The following NOP14 variants were observed in gnomAD, a reference collection of about 807,000 sequenced individuals.
NOP14 encodes nucleolar protein 14.
NOP14 carries 57 observed loss-of-function variants against 101.6 expected under a neutral mutation model. That is an observed-to-expected ratio of 0.56 (90% confidence interval 0.45 to 0.70). The LOEUF (loss-of-function observed/expected upper bound fraction) is 0.70, where lower values mean the gene tolerates loss of function less well. NOP14 is among the 30% of genes least tolerant of loss of function. The pLI is 0.00. For missense variants in NOP14, 1,134 were observed against 1,075.5 expected, an observed-to-expected ratio of 1.05 and a Z score of -0.76; for synonymous variants, 428 against 424.0, an observed-to-expected ratio of 1.01 and a Z score of -0.12.
Position 2,957,706 on chromosome 4 carries a change from CT to C in NOP14, c.229del (p.Arg77GlyfsTer19). The C allele has an allele frequency of 6.2e-7, 1 of 1,614,100 alleles. No individual in the cohort carries two copies. Among genetic ancestry groups the C allele is most frequent in the Non-Finnish European group, 8.5e-7 (1 of 1,180,022 alleles). On this transcript the variant is annotated frameshift_variant, in exon 2 of 18. Transcript: ENST00000416614. LOFTEE classifies it high-confidence loss of function. Reference protein sequence around the residue: ...TQTLLKEYKERDKSNVFRDKR... With the variant: ...TQTLLKEYKEXDKSNVFRDKR... Reference sequence around the variant, plus strand: ...ATCTCTGAATACATTGGATTTATCCCTTTCTTTGTACTCTTTTAGTAAAGTC... The same window carrying C: ...ATCTCTGAATACATTGGATTTATCCCTTCTTTGTACTCTTTTAGTAAAGTC...
chr4:2,953,404 C>G, intron 5 of NOP14, 107 bp downstream of exon 5: 1 of 1,255,066 alleles, frequency 8.0e-7, no homozygotes, highest in East Asian at 2.3e-5. Flanking sequence ...GAAACTTGCC[C>G]TAAAGGAGAC....
chr4:2,939,108 G>A (rs1194111965), intron 17 of NOP14, 80 bp downstream of exon 17: 17 of 1,578,952 alleles, frequency 1.1e-5, no homozygotes, highest in Non-Finnish European at 1.5e-5. Flanking sequence ...GATGCCAGGT[G>A]CCCGGTGCTC....
At chr4:2,942,532 A>G (rs1201847894) in intron 13 of NOP14, among the ~76,000 whole-genome samples, 181 bp from the exon 14 acceptor site, 2 of 152,082 alleles carry the variant, frequency 1.3e-5, no homozygotes, top group African/African-American at 2.4e-5. Flanking sequence ...GGGAGGGGAA[A>G]AGCTTTGGCA....
rs1204745893 is a variant in NOP14 at position 2,953,499 on chromosome 4, C to T, written c.747+12G>A. 4.3e-6 allele frequency: 7 copies of T among 1,613,780 alleles called. No individual in the cohort carries two copies. Among genetic ancestry groups the T allele is most frequent in the South Asian group, 2.2e-5 (2 of 91,050 alleles). ...AGTGAGTGAAGAGTTTGTTTCAGTACTTGGCTCCCACCTTGGGTTTTTCCT... is the reference window on the plus strand; with the variant it reads ...AGTGAGTGAAGAGTTTGTTTCAGTATTTGGCTCCCACCTTGGGTTTTTCCT... On this transcript the variant is annotated intron_variant, in intron 5 of 17. Coordinates refer to ENST00000416614, the MANE Select transcript of NOP14 (RefSeq NM_001291978.2).
rs753317643 is a variant in NOP14, at chr4:2,941,623, T to G, written c.2158A>C (p.Thr720Pro). The G allele has an allele frequency of 1.9e-6, 3 of 1,613,074 alleles. No individual in the cohort carries two copies. The highest frequency in any genetic ancestry group is 2.5e-6 in the Non-Finnish European group (3 of 1,179,878). The change falls in exon 15 of 18, where the codon ACG (threonine) becomes CCG (proline). Residue 720 changes from threonine to proline, a missense_variant. Physicochemically the swap from Thr to Pro is conservative, Grantham distance 38. Coordinates refer to ENST00000416614, the MANE Select transcript of NOP14 (RefSeq NM_001291978.2). ...TGGCTGCAGTCCGCCAGGTGATCCG[T>G]GAGGAGGGCTTGGAGAGGCCCCATG... ...AIMGPLQALL[T>P]DHLADCSHPQ...
intron 13 of NOP14, among the ~76,000 whole-genome samples, chr4:2,942,952 C>T (rs907068842): frequency 5.9e-5 from 9 of 152,192 alleles, no homozygotes; most frequent in Non-Finnish European, 1.2e-4. Context: ...CCGGGCCAAG[C>T]GAGAGGGGAA....
chr4:2,957,585 T>A, intron 2 of NOP14, 21 bp downstream of exon 2: 5 of 1,613,122 alleles, frequency 3.1e-6, no homozygotes, highest in Non-Finnish European at 4.2e-6. Flanking sequence ...GCAAAAACCC[T>A]CCTCCAGTTT....
In NOP14 at chr4:2,946,523, C is replaced by T. The variant is rs567693172; in HGVS notation, c.1524G>A (p.Met508Ile). Residue 508 changes from methionine (M) to isoleucine (I), a missense_variant, in exon 11 of 18, where the codon ATG becomes ATA. By Grantham distance (10) the Met-to-Ile change is conservative. Coordinates refer to ENST00000416614, the MANE Select transcript of NOP14 (RefSeq NM_001291978.2). ...TAGCGTCACTTGCAGATTCAGGAAA[C>T]ATCTGGCAAAGATGATATAAGTGCC... ...LVVHLYHLCQ[M>I]FPESASDAIK... 1.3e-5 allele frequency: 21 copies of T among 1,614,172 alleles called. No individual in the cohort carries two copies. In the South Asian group the frequency reaches 2.1e-4, roughly 16 times the overall value.
rs895754367 is a variant in NOP14, at chr4:2,954,351, A to G, written c.612+73T>C. On this transcript the variant is annotated intron_variant, in intron 4 of 17. Transcript: ENST00000416614. Reference sequence around the variant, plus strand: ...AACACAGCCTAAAAAGGTACAGGAAAAAAAAGCTCAAACACATTTTGGTGA... The same window carrying G: ...AACACAGCCTAAAAAGGTACAGGAAGAAAAAGCTCAAACACATTTTGGTGA... 64 of 1,546,518 alleles carry G rather than the reference A, an allele frequency of 4.1e-5. No individual in the cohort carries two copies. The Middle Eastern group carries it at 6.9e-4, about 17-fold the overall frequency.
At chr4:2,952,856 T>C (rs892905372) in intron 5 of NOP14, among the ~76,000 whole-genome samples, 1 of 152,202 alleles carries the variant, frequency 6.6e-6, no homozygotes, top group African/African-American at 2.4e-5. Flanking sequence ...GGCAAGAGAA[T>C]CACTTGAACC....
Position 2,963,343 on chromosome 4 carries a change from G to A in NOP14, c.-24C>T, listed in dbSNP as rs767583685. 17 of 1,544,842 alleles carry A rather than the reference G, an allele frequency of 1.1e-5. No individual in the cohort carries two copies. The Admixed American group carries it at 3.5e-4, about 32-fold the overall frequency. ...ATGGCGCGCGCCCCGCTGCGCCCAA[G>A]GGCCCGAGACCCGAAGAGAGACAGG... On this transcript the variant is annotated 5_prime_UTR_variant, in exon 1 of 18. Coordinates refer to ENST00000416614, the MANE Select transcript of NOP14 (RefSeq NM_001291978.2).
Position 2,938,702 on chromosome 4 carries a change from C to T in NOP14, c.*129G>A, listed in dbSNP as rs10000927. The T allele has an allele frequency of 3.5e-3, 2,430 of 693,252 alleles. 48 individuals are homozygous for T. In the African/African-American group the frequency reaches 0.038, roughly 11 times the overall value. The allele number at this position is 693,252 out of a possible 1,614,324, so 42.9% of individuals were successfully genotyped here. A position where few individuals can be genotyped will look rare whatever the true frequency, so the allele number is the denominator to read the frequency against. On this transcript the variant is annotated 3_prime_UTR_variant, in exon 18 of 18. Coordinates refer to ENST00000416614, the MANE Select transcript of NOP14 (RefSeq NM_001291978.2). ...TATGTTTTTTTGGTAGAGACGGGGT[C>T]TTCCTGTGTTGCCCAGGCTGGTCTC...
chr4:2,957,839 C>A, intron 1 of NOP14, 99 bp from the exon 2 acceptor site: 1 of 1,221,266 alleles, frequency 8.2e-7, no homozygotes, highest in Non-Finnish European at 1.1e-6. Flanking sequence ...GGGCTATGCA[C>A]AGTGATGTCA....
At position 2,938,945 on chromosome 4, in the gene NOP14, A is replaced by C. The variant is rs752133917; in HGVS notation, c.2475-15T>G. On this transcript the variant is annotated splice_polypyrimidine_tract_variant and intron_variant, in intron 17 of 17. Transcript: ENST00000416614. Reference sequence around the variant, plus strand: ...TTTCCGCATCCCTAAAAGAAACAAAAGGCAAATGCCCATTTTTGGATTAGT... The same window carrying C: ...TTTCCGCATCCCTAAAAGAAACAAACGGCAAATGCCCATTTTTGGATTAGT... 11 of 1,608,886 alleles carry C rather than the reference A, an allele frequency of 6.8e-6. No individual in the cohort carries two copies. The South Asian group carries it at 1.2e-4, about 18-fold the overall frequency.
intron 10 of NOP14, 127 bp downstream of exon 10, chr4:2,947,399 A>G: frequency 4.2e-6 from 3 of 711,336 alleles, no homozygotes; most frequent in South Asian, 3.6e-5. Context: ...CCACCTGCCC[A>G]CTTGGCATGC....
At chr4:2,943,427 C>T (rs1714372536) in intron 13 of NOP14, among the ~76,000 whole-genome samples, 1 of 152,240 alleles carries the variant, frequency 6.6e-6, no homozygotes, top group Admixed American at 6.5e-5. Flanking sequence ...TGCAGCTCCT[C>T]ACCCCCCAGA....
At chr4:2,962,291 G>A (rs193262323) in intron 1 of NOP14, among the ~76,000 whole-genome samples, 3 of 152,306 alleles carry the variant, frequency 2.0e-5, no homozygotes, top group African/African-American at 7.2e-5. Context: ...CCCCGGCCCG[G>A]GGGTGTGTAA....
chr4:2,939,170 C>A lies in NOP14; in HGVS notation c.2474+18G>T, dbSNP rs1356458934. The A allele has an allele frequency of 6.2e-7, 1 of 1,613,652 alleles. No homozygotes were observed. The highest frequency in any genetic ancestry group is 8.5e-7 in the Non-Finnish European group (1 of 1,179,854). On this transcript the variant is annotated intron_variant, in intron 17 of 17. Transcript: ENST00000416614. ...TGAGTGACACCACAATCGTGTCGCA[C>A]ACACACGTCCCCCTCACCGTTCCAT... is the stretch of plus-strand genomic sequence containing the variant.
chr4:2,959,385 G>A (rs556606795), intron 1 of NOP14, among the ~76,000 whole-genome samples: 20 of 152,196 alleles, frequency 1.3e-4, no homozygotes, highest in African/African-American at 3.6e-4. Context: ...GAGGTTAGAA[G>A]ATCAAGACCA....
Sources: allele counts gnomAD v4.1 joint callset (sites outside exome capture counted in the v4.1 genomes callset), GRCh38; gene constraint gnomAD v4.1.1; transcripts MANE v1.5; gene names NCBI Gene and HGNC (gene_info 2026-07-23, HGNC 2026-07-21).